DNER: variants seen among roughly 807,000 people sequenced by gnomAD.
DNER encodes delta/notch like EGF repeat containing.
In DNER, 33 loss-of-function variants were observed where a neutral mutation model predicts 78.2. The ratio of observed to expected loss-of-function variants is 0.42; its 90% CI spans 0.32 to 0.56. The LOEUF (loss-of-function observed/expected upper bound fraction) is 0.56. DNER is among the 20% of genes least tolerant of loss of function. The pLI is 0.11. For missense variants in DNER, 918 were observed against 975.3 expected (o/e 0.94, Z 0.78); for synonymous variants, 417 against 384.8 (o/e 1.08, Z -0.98).
intron 6 of DNER, among the ~76,000 whole-genome samples, chr2:229,500,122 AC>A (rs1316745453): frequency 6.6e-6 from 1 of 152,112 alleles, no homozygotes; most frequent in Non-Finnish European, 1.5e-5. Context: ...TTTAGTAGAG[AC>A]CAGGTTTCAC....
At chr2:229,673,069 C>G (rs753338543) in intron 1 of DNER, among the ~76,000 whole-genome samples, 53 of 152,200 alleles carry the variant, frequency 3.5e-4, no homozygotes, top group Non-Finnish European at 1.2e-4. Flanking sequence ...ACCAGGAAAG[C>G]CTGCATCTGC....
intron 1 of DNER, among the ~76,000 whole-genome samples, chr2:229,662,712 A>G (rs74723553): frequency 0.011 from 1,699 of 152,284 alleles, 35 homozygotes; most frequent in African/African-American, 0.039. Context: ...GCTGACCAGA[A>G]CAGACACACC....
At chr2:229,488,299 G>T (rs898713602) in intron 6 of DNER, among the ~76,000 whole-genome samples, 2 of 152,228 alleles carry the variant, frequency 1.3e-5, no homozygotes, top group African/African-American at 2.4e-5. Context: ...AGTGTGTGTG[G>T]ATGTGGATGT....
At chr2:229,594,218 C>A (rs151211516) in intron 1 of DNER, among the ~76,000 whole-genome samples, 1 of 152,244 alleles carries the variant, frequency 6.6e-6, no homozygotes, top group South Asian at 2.1e-4. Context: ...TCAAAGGACA[C>A]TCCATAGAGT....
At chr2:229,409,419 G>A (rs528865179) in intron 9 of DNER, among the ~76,000 whole-genome samples, 1 of 152,302 alleles carries the variant, frequency 6.6e-6, no homozygotes, top group South Asian at 2.1e-4. Context: ...TCAAATGATT[G>A]TCACTGAGTT....
chr2:229,516,846 C>T (rs1443483135), intron 5 of DNER, among the ~76,000 whole-genome samples: 1 of 150,296 alleles, frequency 6.7e-6, no homozygotes, highest in Non-Finnish European at 1.5e-5. Context: ...GGTGGCTCAC[C>T]CCTGTAATCC....
chr2:229,468,455 C>G (rs1003305240), intron 7 of DNER, among the ~76,000 whole-genome samples: 16 of 152,124 alleles, frequency 1.1e-4, no homozygotes, highest in African/African-American at 3.6e-4. Context: ...GATGGATCAG[C>G]TGACACCATC....
intron 6 of DNER, among the ~76,000 whole-genome samples, chr2:229,504,906 C>A (rs568759115): frequency 1.3e-5 from 2 of 152,200 alleles, no homozygotes; most frequent in Non-Finnish European, 2.9e-5. Flanking sequence ...TAGGGAATAA[C>A]AACTAAATTC....
chr2:229,707,380 GCTAGAGCTA>G (rs964959152), intron 1 of DNER, among the ~76,000 whole-genome samples: 1 of 152,086 alleles, frequency 6.6e-6, no homozygotes, highest in African/African-American at 2.4e-5. Flanking sequence ...AATATTAAAA[GCTAGAGCTA>G]CTGCAAAGCA....
intron 1 of DNER, among the ~76,000 whole-genome samples, chr2:229,607,210 CTTT>C (rs1484796015): frequency 6.6e-6 from 1 of 152,126 alleles, no homozygotes; most frequent in Non-Finnish European, 1.5e-5. Context: ...CTCACAACTT[CTTT>C]AATTAACTGA....
intron 1 of DNER, among the ~76,000 whole-genome samples, chr2:229,637,477 T>A (rs957279764): frequency 3.9e-5 from 6 of 152,238 alleles, no homozygotes; most frequent in Non-Finnish European, 5.9e-5. Flanking sequence ...TTACATTAAA[T>A]TATACTAAAA....
At chr2:229,413,307 T>C (rs954092857) in intron 9 of DNER, among the ~76,000 whole-genome samples, 9 of 121,662 alleles carry the variant, frequency 7.4e-5, no homozygotes, top group African/African-American at 2.6e-4. Flanking sequence ...GCTTTTCTTT[T>C]TCTTTTTCTT....
chr2:229,702,537 G>A (rs946144158), intron 1 of DNER, among the ~76,000 whole-genome samples: 3 of 151,960 alleles, frequency 2.0e-5, no homozygotes, highest in Middle Eastern at 3.4e-3. Flanking sequence ...CCCTGTCACC[G>A]AAAATAATAA....
At chr2:229,669,724 G>A (rs1400707755) in intron 1 of DNER, among the ~76,000 whole-genome samples, 1 of 152,112 alleles carries the variant, frequency 6.6e-6, no homozygotes, top group Non-Finnish European at 1.5e-5. Flanking sequence ...TATTACTGGT[G>A]TATAGGAATG....
chr2:229,694,716 AC>A (rs763716720), intron 1 of DNER, among the ~76,000 whole-genome samples: 3 of 152,154 alleles, frequency 2.0e-5, no homozygotes, highest in South Asian at 2.1e-4. Context: ...CAATGCCTGT[AC>A]CCCCATTGTA....
chr2:229,568,986 T>C (rs201677855), intron 4 of DNER, among the ~76,000 whole-genome samples: 1 of 152,224 alleles, frequency 6.6e-6, no homozygotes, highest in African/African-American at 2.4e-5. Context: ...TGTGTATCTA[T>C]GTGTGTGCAT....
At chr2:229,602,669 C>G (rs1310959560) in intron 1 of DNER, among the ~76,000 whole-genome samples, 1 of 152,024 alleles carries the variant, frequency 6.6e-6, no homozygotes, top group Non-Finnish European at 1.5e-5. Flanking sequence ...GTATCAGCAG[C>G]AAACTAAAGA....
chr2:229,639,304 G>A (rs902557437), intron 1 of DNER, among the ~76,000 whole-genome samples: 17 of 152,158 alleles, frequency 1.1e-4, no homozygotes, highest in African/African-American at 4.1e-4. Context: ...ACCCAGGTTG[G>A]AGTGCAGTGG....
At chr2:229,365,128 A>C (rs1209865966) in intron 12 of DNER, among the ~76,000 whole-genome samples, 1 of 152,188 alleles carries the variant, frequency 6.6e-6, no homozygotes, top group African/African-American at 2.4e-5. Context: ...TGTACCTAGT[A>C]AAAGCTAAGT....
Sources: allele counts gnomAD v4.1 joint callset (sites outside exome capture counted in the v4.1 genomes callset), GRCh38; gene constraint gnomAD v4.1.1; transcripts MANE v1.5; gene names NCBI Gene and HGNC (gene_info 2026-07-23, HGNC 2026-07-21).